NLRC5: variants seen among roughly 807,000 people sequenced by gnomAD.
The protein encoded by NLRC5 is protein NLRC5.
In NLRC5, 114 loss-of-function variants were observed where a neutral mutation model predicts 206.9. That is an observed-to-expected ratio of 0.55 (90% CI 0.47 to 0.64). The LOEUF (loss-of-function observed/expected upper bound fraction) is 0.64. NLRC5 is among the 30% of genes least tolerant of loss of function. The probability of loss-of-function intolerance (pLI) is 0.00; values close to 1 mark genes in which losing one functional copy is unlikely to be tolerated. For missense variants in NLRC5, 2,008 were observed against 2,305.5 expected (o/e 0.87, Z 2.64); for synonymous variants, 952 against 962.8 (o/e 0.99, Z 0.21).
At chr16:57,030,723 G>C (rs1445189753) in intron 10 of NLRC5, among the ~76,000 whole-genome samples, 3 of 152,220 alleles carry the variant, frequency 2.0e-5, no homozygotes, top group Non-Finnish European at 4.4e-5. Flanking sequence ...ATAATTAGCT[G>C]TGTGTTGCCC....
At chr16:57,039,614 G>A (rs961917600) in intron 15 of NLRC5, among the ~76,000 whole-genome samples, 167 bp from the exon 16 acceptor site, 1 of 152,062 alleles carries the variant, frequency 6.6e-6, no homozygotes, top group African/African-American at 2.4e-5. Context: ...CTACTCAGGA[G>A]GCTGAAGTGG....
chr16:57,076,260 GCAAA>G (rs2068385664), intron 39 of NLRC5, among the ~76,000 whole-genome samples: 1 of 152,186 alleles, frequency 6.6e-6, no homozygotes, highest in Admixed American at 6.5e-5. Flanking sequence ...AAAACAACAT[GCAAA>G]CAAATACTTC....
In NLRC5 at chr16:57,025,766, G is replaced by C. The variant is rs1450559334; in HGVS notation, c.823G>C (p.Glu275Gln). 3.1e-6 allele frequency: 5 copies of C among 1,614,070 alleles called. No individual in the cohort carries two copies. The highest frequency in any genetic ancestry group is 1.7e-5 in the Admixed American group (1 of 60,006). ...NLITRFLTPS[E>Q]LLFDLYLSPE... is the part of the protein sequence containing the mutation. ...GATCACGAGGTTCCTGACACCGTCC[G>C]AGCTCCTTTTTGATCTGTACCTGAG... Residue 275 changes from glutamate (E) to glutamine (Q), a missense_variant, in exon 6 of 49, where the codon GAG (glutamate) becomes CAG (glutamine). Physicochemically the swap from Glu to Gln is conservative, Grantham distance 29. Coordinates refer to ENST00000688547, the MANE Select transcript of NLRC5 (RefSeq NM_001384950.1).
intron 43 of NLRC5, among the ~76,000 whole-genome samples, chr16:57,078,613 G>A (rs1332632663): frequency 6.6e-6 from 1 of 151,692 alleles, no homozygotes; most frequent in Non-Finnish European, 1.5e-5. Flanking sequence ...CTGGGATTAC[G>A]AGCATGCCCA....
chr16:57,043,029 A>G (rs1333237052), intron 19 of NLRC5, among the ~76,000 whole-genome samples: 1 of 152,016 alleles, frequency 6.6e-6, no homozygotes. Flanking sequence ...GAGGGTCCAC[A>G]CTCGCCCTAC....
At chr16:57,024,734 G>A (rs1194110870) in intron 5 of NLRC5, among the ~76,000 whole-genome samples, 2 of 152,220 alleles carry the variant, frequency 1.3e-5, no homozygotes, top group Non-Finnish European at 2.9e-5. Flanking sequence ...AAGTAGCTGG[G>A]CGCGGTGGCT....
intron 1 of NLRC5, among the ~76,000 whole-genome samples, chr16:57,010,896 C>CT (rs66785727): frequency 0.016 from 2,264 of 145,110 alleles, 57 homozygotes; most frequent in African/African-American, 0.051. Flanking sequence ...GTTCTTGTGG[C>CT]TTTTTTTAAA....
intron 1 of NLRC5, among the ~76,000 whole-genome samples, chr16:56,993,613 T>A (rs1347139707): frequency 6.6e-6 from 1 of 152,186 alleles, no homozygotes; most frequent in Non-Finnish European, 1.5e-5. Context: ...CAAATTTCCA[T>A]ATTTGCAAAT....
intron 5 of NLRC5, among the ~76,000 whole-genome samples, chr16:57,024,670 A>G (rs821470): frequency 0.34 from 51,659 of 152,094 alleles, 9,625 homozygotes; most frequent in East Asian, 0.81. Flanking sequence ...TATTGGGAAG[A>G]GGCACTGGGG....
chr16:57,021,893 C>T (rs1332199551), intron 3 of NLRC5, among the ~76,000 whole-genome samples: 2 of 152,100 alleles, frequency 1.3e-5, no homozygotes, highest in African/African-American at 2.4e-5. Context: ...TTGCGGGGGG[C>T]GGGGCGGCGC....
chr16:57,058,464 G>A, intron 28 of NLRC5: 1 of 406,808 alleles, frequency 2.5e-6, no homozygotes, highest in Non-Finnish European at 4.5e-6. Flanking sequence ...GCTGATGCGG[G>A]ATTGCAGCTG....
At chr16:57,075,725 A>G (rs1168117541) in intron 39 of NLRC5, among the ~76,000 whole-genome samples, 1 of 152,164 alleles carries the variant, frequency 6.6e-6, no homozygotes, top group Non-Finnish European at 1.5e-5. Flanking sequence ...GACTAAAAAC[A>G]AATCCAAGCA....
intron 1 of NLRC5, among the ~76,000 whole-genome samples, chr16:56,990,048 A>G (rs1006790182): frequency 6.6e-6 from 1 of 152,246 alleles, no homozygotes; most frequent in Non-Finnish European, 1.5e-5. Context: ...TTTTTGGCCT[A>G]AACAACTTTT....
Position 57,078,039 on chromosome 16 carries a change from A to G in NLRC5, c.5081+19A>G. The G allele has an allele frequency of 6.4e-6, 10 of 1,570,702 alleles. No homozygotes were observed. Among genetic ancestry groups the G allele is most frequent in the Non-Finnish European group, 7.8e-6 (9 of 1,152,184 alleles). On this transcript the variant is annotated intron_variant, in intron 43 of 48. Coordinates refer to ENST00000688547, the MANE Select transcript of NLRC5 (RefSeq NM_001384950.1). ...TCCTACAGTGAGTGGCCCCCTGCCC[A>G]TACCATGCAGGGCTGGTGGGGAGGA...
intron 11 of NLRC5, 47 bp from the exon 12 acceptor site, chr16:57,033,557 G>A (rs947764830): frequency 1.3e-6 from 2 of 1,588,568 alleles, no homozygotes; most frequent in Non-Finnish European, 1.7e-6. Context: ...GATCCACCAG[G>A]CCCTAGATGC....
intron 10 of NLRC5, among the ~76,000 whole-genome samples, chr16:57,030,408 A>G (rs1402104697): frequency 2.5e-5 from 3 of 121,494 alleles, no homozygotes; most frequent in East Asian, 2.6e-4. Flanking sequence ...GGATGGATGG[A>G]TGGCTGAAAA....
chr16:57,026,893 C>T lies in NLRC5; in HGVS notation c.1950C>T (p.Asp650=). 1.9e-6 allele frequency: 3 copies of T among 1,614,216 alleles called. No homozygotes were observed. The highest frequency in any genetic ancestry group is 2.5e-6 in the Non-Finnish European group (3 of 1,180,046). ...PFHNFPLTCT[D]LATLTNILEH... ...ACAATTTCCCACTGACCTGCACCGA[C>T]CTGGCCACCCTGACCAACATCCTAG... The change falls in exon 6 of 49, where the codon GAC becomes GAT. Residue 650 remains aspartate (D), a synonymous_variant. Transcript: ENST00000688547.
intron 4 of NLRC5, 55 bp from the exon 5 acceptor site, chr16:57,023,730 C>T: frequency 1.4e-6 from 2 of 1,476,872 alleles, no homozygotes; most frequent in Non-Finnish European, 9.3e-7. Context: ...TCTGGGTAAC[C>T]CCTCAGCCCA....
chr16:57,042,368 G>A (rs1301608023), intron 19 of NLRC5, among the ~76,000 whole-genome samples: 3 of 152,104 alleles, frequency 2.0e-5, no homozygotes, highest in Non-Finnish European at 4.4e-5. Flanking sequence ...TATGACTAAC[G>A]GCTGGCAGTT....
Sources: gnomAD v4.1 joint callset for allele counts (sites outside exome capture counted in the v4.1 genomes callset) on GRCh38, gnomAD v4.1.1 for gene constraint, MANE v1.5 for transcripts, NCBI Gene and HGNC (gene_info 2026-07-23, HGNC 2026-07-21) for gene names.